The following FBN1 variants were observed in gnomAD, a reference collection of about 807,000 sequenced individuals.
FBN1 encodes the protein fibrillin 1.
FBN1 carries 29 observed loss-of-function variants against 365.1 expected under a neutral mutation model. That is an observed-to-expected ratio of 0.08 (90% CI 0.06 to 0.11). FBN1 has a LOEUF of 0.11. Ranked by LOEUF, FBN1 falls within the 10% of genes least tolerant of loss-of-function variation. The pLI, the probability that FBN1 is intolerant of heterozygous loss-of-function variation, is 1.00. For missense variants in FBN1, 2,476 were observed against 3,703.2 expected, an observed-to-expected ratio of 0.67 and a Z score of 8.60; for synonymous variants, 1,210 against 1,270.5, an observed-to-expected ratio of 0.95 and a Z score of 1.01.
At chr15:48,526,680 C>A (rs1370868611) in intron 8 of FBN1, among the ~76,000 whole-genome samples, 2 of 152,114 alleles carry the variant, frequency 1.3e-5, no homozygotes, top group Admixed American at 6.5e-5. Context: ...TTTTCCACAA[C>A]GCGGATACTG....
At chr15:48,596,251 G>A in intron 6 of FBN1, 32 bp downstream of exon 6, 1 of 1,586,180 alleles carries the variant, frequency 6.3e-7, no homozygotes, top group Middle Eastern at 1.7e-4. Flanking sequence ...GTACCAGCAT[G>A]TCTTTACGTA....
intron 35 of FBN1, among the ~76,000 whole-genome samples, chr15:48,472,149 T>C (rs1232851442): frequency 6.6e-6 from 1 of 152,228 alleles, no homozygotes; most frequent in African/African-American, 2.4e-5. Context: ...TTTCCATATT[T>C]AGTGATAATC....
intron 6 of FBN1, among the ~76,000 whole-genome samples, chr15:48,564,736 G>A (rs2044247514): frequency 6.6e-6 from 1 of 152,138 alleles, no homozygotes. Context: ...ACTTGGCTTG[G>A]AAGGAATTAA....
chr15:48,612,591 C>T (rs1362465072), intron 3 of FBN1, among the ~76,000 whole-genome samples: 2 of 152,198 alleles, frequency 1.3e-5, no homozygotes, highest in East Asian at 3.8e-4. Context: ...CTATCTCCTT[C>T]CTTTCCCCTC....
intron 8 of FBN1, among the ~76,000 whole-genome samples, chr15:48,532,524 A>G (rs58629780): frequency 0.13 from 19,293 of 143,062 alleles, 1,271 homozygotes; most frequent in East Asian, 0.17. Context: ...GTGTGTGTGT[A>G]TATGGCCCGA....
chr15:48,566,311 T>C (rs1432325981), intron 6 of FBN1, among the ~76,000 whole-genome samples: 1 of 152,256 alleles, frequency 6.6e-6, no homozygotes, highest in Non-Finnish European at 1.5e-5. Context: ...TGACATCATT[T>C]CAACTTGGCT....
intron 6 of FBN1, among the ~76,000 whole-genome samples, chr15:48,588,809 TG>T (rs755178513): frequency 2.6e-5 from 4 of 152,142 alleles, no homozygotes; most frequent in Non-Finnish European, 5.9e-5. Flanking sequence ...CCTGGGAAAC[TG>T]GTGAAGGGCC....
At chr15:48,511,236 C>A (rs2043756477) in intron 13 of FBN1, among the ~76,000 whole-genome samples, 1 of 152,142 alleles carries the variant, frequency 6.6e-6, no homozygotes, top group South Asian at 2.1e-4. Flanking sequence ...TCTTTCTGGG[C>A]AGATCCTGCA....
chr15:48,437,112 G>C (rs754942968), intron 52 of FBN1, 35 bp from the exon 53 acceptor site: 1 of 1,420,982 alleles, frequency 7.0e-7, no homozygotes, highest in South Asian at 1.1e-5. Flanking sequence ...GAATAACAAG[G>C]TATTTTTTAA....
intron 9 of FBN1, among the ~76,000 whole-genome samples, chr15:48,523,709 C>CTT (rs1491184791): frequency 3.4e-4 from 24 of 71,452 alleles, no homozygotes; most frequent in African/African-American, 2.5e-3. Flanking sequence ...CCAAGGGTGG[C>CTT]TGGGGGGGGG....
At chr15:48,470,840 T>A in intron 35 of FBN1, 84 bp from the exon 36 acceptor site, 1 of 1,452,908 alleles carries the variant, frequency 6.9e-7, no homozygotes, top group Non-Finnish European at 9.4e-7. Context: ...GCAACTAATG[T>A]AAATACTAAG....
chr15:48,547,174 C>T (rs2044100238), intron 6 of FBN1, among the ~76,000 whole-genome samples: 1 of 152,004 alleles, frequency 6.6e-6, no homozygotes, highest in Non-Finnish European at 1.5e-5. Flanking sequence ...CCTTCCCTTC[C>T]TTTTTGTGAG....
chr15:48,633,478 G>A (rs1890028127), intron 2 of FBN1, among the ~76,000 whole-genome samples: 2 of 152,084 alleles, frequency 1.3e-5, no homozygotes, highest in Admixed American at 1.3e-4. Context: ...TTGCGGGGAG[G>A]AGTCATGCTT....
intron 12 of FBN1, among the ~76,000 whole-genome samples, chr15:48,514,139 C>T (rs1241171381): frequency 6.6e-6 from 1 of 152,218 alleles, no homozygotes; most frequent in Admixed American, 6.5e-5. Context: ...AGTTCTCAAT[C>T]ACCACAGAGT....
chr15:48,482,253 A>G (rs1307412772), intron 31 of FBN1, among the ~76,000 whole-genome samples: 1 of 152,202 alleles, frequency 6.6e-6, no homozygotes, highest in Non-Finnish European at 1.5e-5. Context: ...ATTCATTTTA[A>G]TTCTAGGACT....
intron 6 of FBN1, among the ~76,000 whole-genome samples, chr15:48,579,832 T>C (rs191497131): frequency 1.3e-5 from 2 of 152,230 alleles, no homozygotes; most frequent in Non-Finnish European, 2.9e-5. Context: ...AACTGTGGTA[T>C]GTGGTAGGGT....
intron 1 of FBN1, among the ~76,000 whole-genome samples, 156 bp from the exon 2 acceptor site, chr15:48,645,106 G>A (rs1036372708): frequency 4.7e-4 from 71 of 152,378 alleles, no homozygotes; most frequent in African/African-American, 1.6e-3. Context: ...ACAGCTGGCT[G>A]GAAAGCCCAG....
chr15:48,488,033 A>T (rs1358799011), intron 27 of FBN1, 80 bp downstream of exon 27: 2 of 1,587,224 alleles, frequency 1.3e-6, no homozygotes, highest in South Asian at 1.1e-5. Flanking sequence ...AGCAGGAAGA[A>T]CCTGGAACAT....
At position 48,553,226 on chromosome 15, in the gene FBN1, A is replaced by G. The variant is rs535128259; in HGVS notation, c.539-15418T>C. 2.0e-5 allele frequency among the ~76,000 whole-genome samples: 3 copies of G among 152,298 alleles called. No individual in the cohort carries two copies. The South Asian group carries it at 6.2e-4, about 32-fold the overall frequency. ...TGATATGCCCTATATACTACCGTCA[A>G]TTGAAAGTAAAGACCACCATCCCCT... On this transcript the variant is annotated intron_variant, in intron 6 of 65. Coordinates refer to ENST00000316623, the MANE Select transcript of FBN1 (RefSeq NM_000138.5).
Sources: allele counts gnomAD v4.1 joint callset (sites outside exome capture counted in the v4.1 genomes callset), GRCh38; gene constraint gnomAD v4.1.1; transcripts MANE v1.5; gene names NCBI Gene and HGNC (gene_info 2026-07-23, HGNC 2026-07-21).